The following MTFR1L variants were observed in gnomAD, a reference collection of about 807,000 sequenced individuals.
MTFR1L encodes mitochondrial fission regulator 1 like, also known as mitochondrial fission regulator 1-like.
A neutral mutation model predicts 27.9 loss-of-function variants in MTFR1L; 10 were observed. The observed-to-expected ratio is 0.36, with a 90% CI of 0.22 to 0.61. The LOEUF (loss-of-function observed/expected upper bound fraction) is 0.61, where lower values mean the gene tolerates loss of function less well. MTFR1L is among the 20% of genes least tolerant of loss of function. MTFR1L has a pLI of 0.73. For missense variants in MTFR1L, 315 were observed against 363.7 expected (o/e 0.87, Z 1.09); for synonymous variants, 151 against 139.4 (o/e 1.08, Z -0.58).
intron 1 of MTFR1L, chr1:25,820,695 GGAA>G (rs2048077180): frequency 2.3e-6 from 1 of 431,412 alleles, no homozygotes; most frequent in African/African-American, 2.1e-5. Flanking sequence ...GCGAACCGGG[GGAA>G]GATCTTCTAG....
chr1:25,828,527 T>TC (rs1244724434), intron 5 of MTFR1L, among the ~76,000 whole-genome samples: 1 of 151,132 alleles, frequency 6.6e-6, no homozygotes, highest in Non-Finnish European at 1.5e-5. Flanking sequence ...ACCACTGCAC[T>TC]CCAGCATGGG....
intron 5 of MTFR1L, among the ~76,000 whole-genome samples, chr1:25,827,281 G>C (rs1227405479): frequency 6.6e-6 from 1 of 151,850 alleles, no homozygotes; most frequent in East Asian, 1.9e-4. Context: ...GACTACAGGG[G>C]TGTGCCACCA....
rs187133360 is a variant in MTFR1L at position 25,831,970 on chromosome 1, G to T, written c.823G>T (p.Val275Phe). The T allele has an allele frequency of 6.2e-7, 1 of 1,614,218 alleles. No homozygotes were observed. The highest frequency in any genetic ancestry group is 1.3e-5 in the African/African-American group (1 of 75,056). ...AGACCCTGCTGTGCTTATCTCTGAGGTCCTAAGGAGGAAGTTTGCTCTAAA... is the reference window on the plus strand; with the variant it reads ...AGACCCTGCTGTGCTTATCTCTGAGTTCCTAAGGAGGAAGTTTGCTCTAAA... ...EEDPAVLISE[V>F]LRRKFALKEE... Residue 275 changes from valine (V) to phenylalanine (F), a missense_variant, in exon 7 of 7, where the codon GTC becomes TTC. Val to Phe is a conservative substitution (Grantham distance 50). Coordinates refer to ENST00000374303, the MANE Select transcript of MTFR1L (RefSeq NM_001099625.2).
At position 25,831,973 on chromosome 1, in the gene MTFR1L, C is replaced by T; in HGVS notation, c.826C>T (p.Leu276=). The part of the protein sequence containing the change: ...EDPAVLISEV[L]RRKFALKEED... ...CCCTGCTGTGCTTATCTCTGAGGTC[C>T]TAAGGAGGAAGTTTGCTCTAAAGGA... Residue 276 remains leucine (L), a synonymous_variant, in exon 7 of 7, where the codon CTA becomes TTA. Transcript: ENST00000374303. The T allele has an allele frequency of 6.2e-7, 1 of 1,614,110 alleles. No individual in the cohort carries two copies.
At chr1:25,823,813 C>T in intron 3 of MTFR1L, 65 bp downstream of exon 3, 1 of 1,570,212 alleles carries the variant, frequency 6.4e-7, no homozygotes, top group Non-Finnish European at 8.7e-7. Context: ...CCCCAAACCC[C>T]TTGGTACTGC....
chr1:25,826,936 G>A lies in MTFR1L; in HGVS notation c.451+110G>A. 2.4e-6 allele frequency: 3 copies of A among 1,257,130 alleles called. No homozygotes were observed. Among genetic ancestry groups the A allele is most frequent in the East Asian group, 2.5e-5 (1 of 39,316 alleles). The allele number at this position is 1,257,130 out of a possible 1,614,324, so 77.9% of individuals were successfully genotyped here. ...TAATCCTTGGTTTGCAGGTACTTAG[G>A]TTCCGGGCCCTGGGGTTGTCCTGAA... On this transcript the variant is annotated intron_variant, in intron 5 of 6. Coordinates refer to ENST00000374303, the MANE Select transcript of MTFR1L (RefSeq NM_001099625.2). This position sits in a 1 kb window ranked among gnomAD's most constrained non-coding sequence, Gnocchi z 4.1.
Position 25,823,672 on chromosome 1 carries a change from A to G in MTFR1L, c.53A>G (p.His18Arg), listed in dbSNP as rs368084911. The G allele has an allele frequency of 1.2e-5, 20 of 1,613,864 alleles. No homozygotes were observed. The highest frequency in any genetic ancestry group is 8.3e-5 in the Admixed American group (5 of 59,982). Residue 18 changes from histidine (H) to arginine (R), a missense_variant, in exon 3 of 7, where the codon CAT becomes CGT. Physicochemically the swap from His to Arg is conservative, Grantham distance 29. Transcript: ENST00000374303. ...VTIPIWQNKP[H>R]GAARSVVRRI... ...ATCCCAATCTGGCAAAACAAGCCACATGGGGCTGCTCGAAGTGTAGTAAGA... is the reference window on the plus strand; with the variant it reads ...ATCCCAATCTGGCAAAACAAGCCACGTGGGGCTGCTCGAAGTGTAGTAAGA...
chr1:25,831,766 C>T, intron 6 of MTFR1L, 155 bp from the exon 7 acceptor site: 1 of 743,362 alleles, frequency 1.3e-6, no homozygotes, highest in Non-Finnish European at 2.3e-6. Context: ...ACTTGTATAA[C>T]CTTTCTGTGC....
intron 5 of MTFR1L, among the ~76,000 whole-genome samples, chr1:25,827,148 T>C (rs1226171215): frequency 2.0e-5 from 3 of 152,160 alleles, no homozygotes; most frequent in African/African-American, 7.2e-5. Flanking sequence ...CTTTTTTTTT[T>C]TCTCCTCTGA....
Position 25,819,973 on chromosome 1 carries a change from G to A in MTFR1L, c.-143G>A. The A allele has an allele frequency of 6.3e-6, 2 of 317,820 alleles. No individual in the cohort carries two copies. The highest frequency in any genetic ancestry group is 1.2e-5 in the Non-Finnish European group (2 of 165,668). The allele number at this position is 317,820 out of a possible 1,614,324, so 19.7% of individuals were successfully genotyped here. ...GAAGTGAGGGCGGTTGAGGCTGGGC[G>A]GCCCAAGGTGGAAGGAGGGGCCGTG... On this transcript the variant is annotated 5_prime_UTR_variant, in exon 1 of 7. Coordinates refer to ENST00000374303, the MANE Select transcript of MTFR1L (RefSeq NM_001099625.2).
intron 5 of MTFR1L, among the ~76,000 whole-genome samples, chr1:25,828,213 A>T (rs2124480915): frequency 6.6e-6 from 1 of 152,278 alleles, no homozygotes; most frequent in South Asian, 2.1e-4. Flanking sequence ...TCATGACATT[A>T]TGTTATGTTT....
rs756535647 is a variant in MTFR1L, at chr1:25,829,809, G to A, written c.752G>A (p.Arg251Gln). The A allele has an allele frequency of 2.2e-5, 35 of 1,602,080 alleles. No homozygotes were observed. Among genetic ancestry groups the A allele is most frequent in the Admixed American group, 1.8e-4 (11 of 59,940 alleles). ...DMMGILKDFH[R>Q]MKQSQDLNRS... is the part of the protein sequence containing the mutation. ...ATGGGTATCCTGAAGGACTTTCACCGAATGAAACAGAGTCAAGATCTGTAA... is the reference window on the plus strand; with the variant it reads ...ATGGGTATCCTGAAGGACTTTCACCAAATGAAACAGAGTCAAGATCTGTAA... Residue 251 changes from arginine (R) to glutamine (Q), a missense_variant, in exon 6 of 7, where the codon CGA becomes CAA. Arg to Gln is a conservative substitution (Grantham distance 43). Transcript: ENST00000374303.
intron 1 of MTFR1L, chr1:25,821,904 C>A (rs761416453): frequency 3.9e-5 from 6 of 152,290 alleles, no homozygotes. Context: ...GAGAGCATGA[C>A]TGTGTCTTAC....
At position 25,826,573 on chromosome 1, in the gene MTFR1L, CCTG is replaced by C; in HGVS notation, c.240-38_240-36del. On this transcript the variant is annotated intron_variant, in intron 4 of 6. Coordinates refer to ENST00000374303, the MANE Select transcript of MTFR1L (RefSeq NM_001099625.2). This position sits in a 1 kb window ranked among gnomAD's most constrained non-coding sequence, Gnocchi z 4.1. ...GGAAGGAACCTTAGGAGCACAGTGG[CCTG>C]CTGTCTCTAACTGATCTACTTGGTT... 1 of 1,610,252 alleles carries C rather than the reference CCTG, an allele frequency of 6.2e-7. No homozygotes were observed. Among genetic ancestry groups the C allele is most frequent in the Non-Finnish European group, 8.5e-7 (1 of 1,176,664 alleles).
Position 25,826,365 on chromosome 1 carries a change from A to G in MTFR1L, c.193A>G (p.Ile65Val). Residue 65 changes from isoleucine to valine, a missense_variant, in exon 4 of 7, where the codon ATC (isoleucine) becomes GTC (valine). Coordinates refer to ENST00000374303, the MANE Select transcript of MTFR1L (RefSeq NM_001099625.2). This position sits in a 1 kb window ranked among gnomAD's most constrained non-coding sequence, Gnocchi z 4.1. ...DVPPVPTLAD[I>V]AWIAADEEET... Reference sequence around the variant, plus strand: ...GCCCCCAGTCCCTACCCTGGCTGACATCGCCTGGATTGCTGCGGATGAAGA... The same window carrying G: ...GCCCCCAGTCCCTACCCTGGCTGACGTCGCCTGGATTGCTGCGGATGAAGA... 2 of 1,614,176 alleles carry G rather than the reference A, an allele frequency of 1.2e-6. No individual in the cohort carries two copies. Among genetic ancestry groups the G allele is most frequent in the Non-Finnish European group, 1.7e-6 (2 of 1,180,040 alleles).
Position 25,826,758 on chromosome 1 carries a change from CTACTGAGCTGCAG to C in MTFR1L, c.384_396del (p.Glu130SerfsTer2). ...CCAGCTCTGCCAGCCCTAAGCCGCA[CTACTGAGCTGCAG>C]GACGAGCTGAGCCACTTGCGCAGCC... On this transcript the variant is annotated frameshift_variant, in exon 5 of 7. Coordinates refer to ENST00000374303, the MANE Select transcript of MTFR1L (RefSeq NM_001099625.2). LOFTEE classifies it high-confidence loss of function. The surrounding 1 kb of genome is among the most constrained non-coding windows in gnomAD (Gnocchi z 4.1). 6.2e-7 allele frequency: 1 copy of C among 1,614,156 alleles called. No individual in the cohort carries two copies. Among genetic ancestry groups the C allele is most frequent in the Non-Finnish European group, 8.5e-7 (1 of 1,180,038 alleles).
intron 5 of MTFR1L, among the ~76,000 whole-genome samples, chr1:25,828,693 C>T (rs2048199548): frequency 6.6e-6 from 1 of 152,180 alleles, no homozygotes; most frequent in Admixed American, 6.5e-5. Context: ...GAGGCATGGA[C>T]AGCCAACAGG....
chr1:25,822,975 T>C (rs1454247083), intron 1 of MTFR1L, 44 bp from the exon 2 acceptor site: 2 of 1,535,946 alleles, frequency 1.3e-6, no homozygotes, highest in East Asian at 2.2e-5. Flanking sequence ...AAATCCCCAC[T>C]GTGGGGGGTT....
chr1:25,831,070 C>G (rs1193145858), intron 6 of MTFR1L, among the ~76,000 whole-genome samples: 1 of 152,178 alleles, frequency 6.6e-6, no homozygotes, highest in Non-Finnish European at 1.5e-5. Context: ...CTAGCCCCCT[C>G]CTCCCACTTG....
Sources: gnomAD v4.1 joint callset for allele counts (sites outside exome capture counted in the v4.1 genomes callset) on GRCh38, gnomAD v4.1.1 for gene constraint, Gnocchi (gnomAD v3.1) non-coding constraint, MANE v1.5 for transcripts, NCBI Gene and HGNC (gene_info 2026-07-23, HGNC 2026-07-21) for gene names.